SLC24A2: variants seen among roughly 807,000 people sequenced by gnomAD.
The protein encoded by SLC24A2 is sodium/potassium/calcium exchanger 2.
In SLC24A2, 36 loss-of-function variants were observed where a neutral mutation model predicts 62.0. The observed-to-expected ratio is 0.58, with a 90% CI of 0.44 to 0.77. The LOEUF (loss-of-function observed/expected upper bound fraction) is 0.77, where lower values mean the gene tolerates loss of function less well. Among genes scored for constraint, SLC24A2 ranks in the 30% least tolerant of loss-of-function variants. The pLI is 0.00. For missense variants in SLC24A2, 846 were observed against 817.9 expected (o/e 1.03, Z -0.42); for synonymous variants, 358 against 294.0 (o/e 1.22, Z -2.23).
chr9:19,668,811 CTTT>C (rs1391144102), intron 2 of SLC24A2, among the ~76,000 whole-genome samples: 1 of 152,168 alleles, frequency 6.6e-6, no homozygotes, highest in Admixed American at 6.5e-5. Flanking sequence ...AGAATTTCTT[CTTT>C]GTTAAACTGA....
At chr9:20,224,945 A>T in the SLC24A2 span, among the ~76,000 whole-genome samples, 1 of 152,088 alleles carries the variant, frequency 6.6e-6, no homozygotes, top group Non-Finnish European at 1.5e-5. Flanking sequence ...CCCACCAAGC[A>T]GCCAATGACT....
the SLC24A2 span, among the ~76,000 whole-genome samples, chr9:19,911,165 G>C: frequency 2.2e-3 from 322 of 149,100 alleles, 1 homozygote; most frequent in African/African-American, 7.7e-3. Context: ...AGAACATGCG[G>C]TGTTTAGTTT....
intron 7 of SLC24A2, among the ~76,000 whole-genome samples, chr9:19,571,397 T>C (rs191328801): frequency 1.8e-3 from 269 of 151,418 alleles, no homozygotes; most frequent in African/African-American, 6.3e-3. Context: ...AGGCAACAAT[T>C]AGCATTTTTT....
chr9:20,103,360 G>A, the SLC24A2 span, among the ~76,000 whole-genome samples: 1 of 152,214 alleles, frequency 6.6e-6, no homozygotes, highest in Non-Finnish European at 1.5e-5. Context: ...CTCCCAGCAT[G>A]CAGCTGGAGA....
intron 2 of SLC24A2, among the ~76,000 whole-genome samples, chr9:19,728,096 A>G (rs916597651): frequency 2.0e-5 from 3 of 152,150 alleles, no homozygotes; most frequent in African/African-American, 4.8e-5. Context: ...TGTGGAGGCC[A>G]TGACCTTTCT....
At chr9:19,792,683 G>A (rs544504446), upstream of SLC24A2, among the ~76,000 whole-genome samples, 14 of 147,844 alleles carry the variant, frequency 9.5e-5, no homozygotes, top group East Asian at 2.2e-3. Flanking sequence ...ACTCCAGCCT[G>A]GGAAACAAGA....
Position 19,730,164 on chromosome 9 carries a change from A to G in SLC24A2, c.930+55773T>C, listed in dbSNP as rs542477596. Among the ~76,000 whole-genome samples the G allele has an allele frequency of 6.6e-5, 10 of 152,334 alleles. No individual in the cohort carries two copies. The East Asian group carries it at 1.9e-3, about 29-fold the overall frequency. On this transcript the variant is annotated intron_variant, in intron 2 of 10. Transcript: ENST00000341998. ...GAACAAGTGTCACCAAAGAGAAGGT[A>G]CAGAATGCAGTGAGAACCATGACAA...
At chr9:19,530,470 T>A (rs1833649392) in intron 8 of SLC24A2, among the ~76,000 whole-genome samples, 2 of 152,222 alleles carry the variant, frequency 1.3e-5, no homozygotes, top group African/African-American at 4.8e-5. Context: ...ATTTACTAAA[T>A]GTATAATTAT....
the SLC24A2 span, among the ~76,000 whole-genome samples, chr9:20,228,117 T>G: frequency 6.6e-6 from 1 of 152,156 alleles, no homozygotes; most frequent in Non-Finnish European, 1.5e-5. Context: ...GAAAAAATCC[T>G]TCACTTGCAT....
the SLC24A2 span, among the ~76,000 whole-genome samples, chr9:20,235,528 G>T: frequency 6.6e-6 from 1 of 152,224 alleles, no homozygotes; most frequent in South Asian, 2.1e-4. Flanking sequence ...GACCCTCTGA[G>T]CCATATGCGG....
At chr9:20,186,230 C>T in the SLC24A2 span, among the ~76,000 whole-genome samples, 1 of 152,152 alleles carries the variant, frequency 6.6e-6, no homozygotes, top group Non-Finnish European at 1.5e-5. Context: ...GTTTCTGAGG[C>T]TCATCTCTAC....
chr9:20,132,448 C>A, the SLC24A2 span, among the ~76,000 whole-genome samples: 4 of 151,998 alleles, frequency 2.6e-5, no homozygotes, highest in Non-Finnish European at 5.9e-5. Context: ...TGGATTTTTG[C>A]TTTTTGAGTT....
At chr9:19,816,125 C>A in the SLC24A2 span, among the ~76,000 whole-genome samples, 1 of 151,956 alleles carries the variant, frequency 6.6e-6, no homozygotes, top group African/African-American at 2.4e-5. Context: ...TAGGAGTATT[C>A]TGTGCATGCT....
At chr9:20,112,255 A>G in the SLC24A2 span, among the ~76,000 whole-genome samples, 3 of 152,224 alleles carry the variant, frequency 2.0e-5, no homozygotes, top group East Asian at 5.8e-4. Context: ...AAGTAAGAAC[A>G]CAATCCTCGA....
chr9:19,866,296 C>G, the SLC24A2 span, among the ~76,000 whole-genome samples: 6 of 152,144 alleles, frequency 3.9e-5, no homozygotes, highest in Admixed American at 3.3e-4. Context: ...TTTGGAGATT[C>G]CTCAAAAAAC....
At chr9:19,856,765 T>C in the SLC24A2 span, among the ~76,000 whole-genome samples, 1 of 152,190 alleles carries the variant, frequency 6.6e-6, no homozygotes, top group Non-Finnish European at 1.5e-5. Flanking sequence ...CACCCAGTCA[T>C]AAGGCACTGG....
intron 2 of SLC24A2, among the ~76,000 whole-genome samples, chr9:19,633,325 T>C (rs1421339559): frequency 6.6e-6 from 1 of 152,206 alleles, no homozygotes; most frequent in Admixed American, 6.5e-5. Flanking sequence ...AAGAGTACAA[T>C]TGCTGGATCA....
At chr9:20,245,041 G>C in the SLC24A2 span, among the ~76,000 whole-genome samples, 1 of 152,124 alleles carries the variant, frequency 6.6e-6, no homozygotes, top group Non-Finnish European at 1.5e-5. Context: ...AGGTTTTTTA[G>C]CGGACATGAG....
the SLC24A2 span, among the ~76,000 whole-genome samples, chr9:20,100,745 TATTTCATTTCACAGTATTTATTTAA>T: frequency 6.6e-6 from 1 of 152,264 alleles, no homozygotes; most frequent in African/African-American, 2.4e-5. Context: ...TCAGTCTGAA[TATTTCATTTCACAGTATTTATTTAA>T]ATTCCTTCTA....
Sources: allele counts gnomAD v4.1 joint callset (sites outside exome capture counted in the v4.1 genomes callset), GRCh38; gene constraint gnomAD v4.1.1; transcripts MANE v1.5; gene names NCBI Gene and HGNC (gene_info 2026-07-23, HGNC 2026-07-21).